PCCA: variants seen among roughly 807,000 people sequenced by gnomAD.
PCCA encodes propionyl-CoA carboxylase alpha chain, mitochondrial.
In PCCA, 74 loss-of-function variants were observed where a neutral mutation model predicts 101.3. The ratio of observed to expected loss-of-function variants is 0.73; its 90% CI spans 0.61 to 0.89. The LOEUF is 0.89. Among genes scored for constraint, PCCA ranks in the 40% least tolerant of loss-of-function variants. The pLI is 0.00. For synonymous variants in PCCA, 294 were observed against 313.6 expected (o/e 0.94, Z 0.66); for missense variants, 891 against 907.0 (o/e 0.98, Z 0.23).
intron 16 of PCCA, among the ~76,000 whole-genome samples, chr13:100,317,619 C>T (rs1397246292): frequency 2.0e-5 from 3 of 152,130 alleles, no homozygotes; most frequent in Non-Finnish European, 4.4e-5. Context: ...CAGGGTCTCA[C>T]TCTGTCACTT....
intron 7 of PCCA, among the ~76,000 whole-genome samples, chr13:100,220,603 T>C (rs1049215393): frequency 6.6e-6 from 1 of 152,170 alleles, no homozygotes; most frequent in African/African-American, 2.4e-5. Flanking sequence ...ACTGGCTTTC[T>C]GTGCATTTGG....
At chr13:100,391,365 G>T (rs534256373) in intron 19 of PCCA, among the ~76,000 whole-genome samples, 1 of 152,200 alleles carries the variant, frequency 6.6e-6, no homozygotes, top group Non-Finnish European at 1.5e-5. Context: ...TGTGGGGGAA[G>T]AGGTGAGGTG....
At chr13:100,481,536 C>T (rs1442895800) in intron 21 of PCCA, among the ~76,000 whole-genome samples, 3 of 151,988 alleles carry the variant, frequency 2.0e-5, no homozygotes, top group East Asian at 3.9e-4. Context: ...CCAGCCTGGG[C>T]GACAGAGCCA....
chr13:100,252,401 T>C (rs1289610815), intron 8 of PCCA, among the ~76,000 whole-genome samples: 3 of 152,226 alleles, frequency 2.0e-5, no homozygotes, highest in Non-Finnish European at 4.4e-5. Context: ...TAAGACATTT[T>C]CTAAGAAATA....
chr13:100,150,537 AACC>A (rs2053178335), intron 4 of PCCA: 1 of 1,318,308 alleles, frequency 7.6e-7, no homozygotes, highest in Non-Finnish European at 1.1e-6. Context: ...CCCCGGCGAG[AACC>A]ACCAATAGTG....
intron 21 of PCCA, among the ~76,000 whole-genome samples, chr13:100,495,500 T>G (rs1320182120): frequency 6.6e-6 from 1 of 152,234 alleles, no homozygotes; most frequent in African/African-American, 2.4e-5. Context: ...TTTTTTAAGT[T>G]TATAAAGCTT....
At chr13:100,272,439 C>CG (rs1199974693) in intron 11 of PCCA, among the ~76,000 whole-genome samples, 1 of 152,140 alleles carries the variant, frequency 6.6e-6, no homozygotes, top group African/African-American at 2.4e-5. Context: ...GACTATAACA[C>CG]GTGCCTGAGT....
intron 4 of PCCA, chr13:100,150,571 T>C (rs2053187501): frequency 1.6e-6 from 2 of 1,251,868 alleles, no homozygotes; most frequent in African/African-American, 2.9e-5. Context: ...TACGGCCGTT[T>C]CCAAGGGCCA....
chr13:100,515,550 G>A lies in PCCA; in HGVS notation c.2023G>A (p.Val675Ile). 6.2e-7 allele frequency: 1 copy of A among 1,613,952 alleles called. No individual in the cohort carries two copies. The highest frequency in any genetic ancestry group is 8.5e-7 in the Non-Finnish European group (1 of 1,179,992). Residue 675 changes from valine (V) to isoleucine (I), a missense_variant, in exon 22 of 24, where the codon GTC becomes ATC. Val to Ile is a conservative substitution (Grantham distance 29). Transcript: ENST00000376285. Reference sequence around the variant, plus strand: ...GCCCGGAGTGGTGGTGGCCGTCTCTGTCAAGCCTGGAGACGCGGTAAGGGC... The same window carrying A: ...GCCCGGAGTGGTGGTGGCCGTCTCTATCAAGCCTGGAGACGCGGTAAGGGC... ...PMPGVVVAVS[V>I]KPGDAVAEGQ... is the part of the protein sequence containing the mutation.
At chr13:100,447,873 C>A (rs537789990) in intron 20 of PCCA, among the ~76,000 whole-genome samples, 2 of 152,250 alleles carry the variant, frequency 1.3e-5, no homozygotes, top group South Asian at 4.1e-4. Flanking sequence ...GTCAAGGAAC[C>A]GAGGACTCAG....
intron 8 of PCCA, among the ~76,000 whole-genome samples, chr13:100,243,848 C>A (rs1259727452): frequency 6.6e-6 from 1 of 152,116 alleles, no homozygotes; most frequent in Non-Finnish European, 1.5e-5. Context: ...TTTGCCTATT[C>A]TTCTCATCTT....
At chr13:100,277,504 C>A (rs533933542) in intron 12 of PCCA, among the ~76,000 whole-genome samples, 3 of 152,154 alleles carry the variant, frequency 2.0e-5, no homozygotes, top group African/African-American at 7.2e-5. Context: ...TTTCTAGTCC[C>A]CAATAAGCCC....
At chr13:100,123,216 T>C (rs2152306900) in intron 4 of PCCA, among the ~76,000 whole-genome samples, 1 of 152,232 alleles carries the variant, frequency 6.6e-6, no homozygotes, top group South Asian at 2.1e-4. Context: ...CCACCATGCC[T>C]GGCTAGGATT....
intron 7 of PCCA, among the ~76,000 whole-genome samples, chr13:100,222,080 T>G (rs2059852586): frequency 6.6e-6 from 1 of 151,640 alleles, no homozygotes; most frequent in Admixed American, 6.6e-5. Context: ...CTCACTCTGT[T>G]GCCCAGACTG....
intron 4 of PCCA, among the ~76,000 whole-genome samples, chr13:100,119,175 G>A (rs1200113733): frequency 6.6e-6 from 1 of 151,898 alleles, no homozygotes; most frequent in Non-Finnish European, 1.5e-5. Flanking sequence ...CTGTTTTTAT[G>A]TATTATCTTT....
intron 19 of PCCA, among the ~76,000 whole-genome samples, chr13:100,403,000 A>T (rs951345918): frequency 6.9e-6 from 1 of 144,632 alleles, no homozygotes; most frequent in Non-Finnish European, 1.5e-5. Context: ...GGAGAACTTA[A>T]TTTTTTTTTT....
intron 17 of PCCA, among the ~76,000 whole-genome samples, chr13:100,339,773 G>A (rs987615812): frequency 1.3e-5 from 2 of 152,164 alleles, no homozygotes; most frequent in African/African-American, 4.8e-5. Context: ...CTTCTTGCAC[G>A]CTATCCTCAC....
chr13:100,332,392 C>T (rs1290135292), intron 17 of PCCA, among the ~76,000 whole-genome samples: 1 of 152,076 alleles, frequency 6.6e-6, no homozygotes, highest in African/African-American at 2.4e-5. Flanking sequence ...GTTTTTATGT[C>T]TGCCTGGCAA....
chr13:100,103,556 C>T (rs1335880118), intron 2 of PCCA, among the ~76,000 whole-genome samples: 2 of 151,798 alleles, frequency 1.3e-5, no homozygotes, highest in African/African-American at 2.4e-5. Flanking sequence ...AGGTGATCCA[C>T]CTGCCTCAGC....
Sources: gnomAD v4.1 joint callset for allele counts (sites outside exome capture counted in the v4.1 genomes callset) on GRCh38, gnomAD v4.1.1 for gene constraint, MANE v1.5 for transcripts, NCBI Gene and HGNC (gene_info 2026-07-23, HGNC 2026-07-21) for gene names.